Variants in GALNTL6 observed in about 807,000 individuals in gnomAD.
The protein encoded by GALNTL6 is polypeptide N-acetylgalactosaminyltransferase like 6.
GALNTL6 carries 46 observed loss-of-function variants against 73.7 expected under a neutral mutation model. The observed-to-expected ratio is 0.62, with a 90% CI of 0.49 to 0.80. The LOEUF (loss-of-function observed/expected upper bound fraction) is 0.80, where lower values mean the gene tolerates loss of function less well. Among genes scored for constraint, GALNTL6 ranks in the 30% least tolerant of loss-of-function variants. The pLI is 0.00. For synonymous variants in GALNTL6, 259 were observed against 263.7 expected (o/e 0.98, Z 0.17); for missense variants, 604 against 755.0 (o/e 0.80, Z 2.34).
chr4:171,918,407 C>T (rs1560840440), intron 2 of GALNTL6, among the ~76,000 whole-genome samples: 1 of 152,000 alleles, frequency 6.6e-6, no homozygotes, highest in Non-Finnish European at 1.5e-5. Flanking sequence ...AAATCCAACT[C>T]AAATTGTCTT....
chr4:172,983,040 T>C (rs2126437415), intron 10 of GALNTL6, among the ~76,000 whole-genome samples: 1 of 152,294 alleles, frequency 6.6e-6, no homozygotes, highest in Non-Finnish European at 1.5e-5. Context: ...TATAATGTAC[T>C]TCATCTGGGC....
intron 5 of GALNTL6, among the ~76,000 whole-genome samples, chr4:172,425,664 T>C (rs1265622367): frequency 6.6e-6 from 1 of 152,086 alleles, no homozygotes; most frequent in Non-Finnish European, 1.5e-5. Context: ...TGGAATATTA[T>C]AGAGAAATGA....
chr4:172,030,935 A>C (rs866650012), intron 2 of GALNTL6, among the ~76,000 whole-genome samples: 2 of 152,014 alleles, frequency 1.3e-5, no homozygotes, highest in Non-Finnish European at 2.9e-5. Context: ...TTGATGACAA[A>C]CAGAGGATCA....
intron 4 of GALNTL6, among the ~76,000 whole-genome samples, chr4:172,328,000 T>C (rs1194935854): frequency 6.6e-6 from 1 of 152,154 alleles, no homozygotes; most frequent in Non-Finnish European, 1.5e-5. Flanking sequence ...TAATGATGTG[T>C]GTGTTTTTTT....
chr4:171,834,785 GTC>G (rs1448165144), intron 2 of GALNTL6, among the ~76,000 whole-genome samples: 3 of 151,954 alleles, frequency 2.0e-5, no homozygotes, highest in Non-Finnish European at 4.4e-5. Flanking sequence ...AGAGGCGTAA[GTC>G]AGACATGCTT....
intron 2 of GALNTL6, among the ~76,000 whole-genome samples, chr4:171,974,533 T>C (rs1739662761): frequency 6.6e-6 from 1 of 152,222 alleles, no homozygotes; most frequent in Non-Finnish European, 1.5e-5. Context: ...ATAAATGAGA[T>C]ATATTCAAAG....
chr4:172,838,058 G>A (rs1399722035), intron 7 of GALNTL6, among the ~76,000 whole-genome samples: 1 of 151,820 alleles, frequency 6.6e-6, no homozygotes, highest in East Asian at 1.9e-4. Context: ...TTAATGTAGT[G>A]CATATTTGTC....
At chr4:172,539,119 T>C (rs956139084) in intron 5 of GALNTL6, among the ~76,000 whole-genome samples, 42 of 152,302 alleles carry the variant, frequency 2.8e-4, no homozygotes, top group African/African-American at 9.1e-4. Flanking sequence ...ATAAATGGCC[T>C]GGGAATCTCC....
chr4:172,645,919 G>A (rs748895251), intron 5 of GALNTL6, among the ~76,000 whole-genome samples: 9 of 151,934 alleles, frequency 5.9e-5, no homozygotes, highest in Non-Finnish European at 1.2e-4. Flanking sequence ...CAGAGATAAG[G>A]ATATTCCTTT....
At chr4:172,489,712 T>G (rs985131089) in intron 5 of GALNTL6, among the ~76,000 whole-genome samples, 1 of 152,216 alleles carries the variant, frequency 6.6e-6, no homozygotes, top group African/African-American at 2.4e-5. Context: ...AAGGCACACC[T>G]ACATACTCTA....
At chr4:172,695,700 C>G (rs1733641918) in intron 5 of GALNTL6, among the ~76,000 whole-genome samples, 1 of 152,176 alleles carries the variant, frequency 6.6e-6, no homozygotes, top group Non-Finnish European at 1.5e-5. Context: ...GTAATCCCAG[C>G]ACTTTGGGAG....
chr4:172,281,152 C>T (rs1043054553), intron 3 of GALNTL6, among the ~76,000 whole-genome samples: 2 of 152,024 alleles, frequency 1.3e-5, no homozygotes, highest in Non-Finnish European at 2.9e-5. Context: ...GTCTGGACCA[C>T]AGAGTGAGAC....
At chr4:172,436,566 A>G (rs1487373333) in intron 5 of GALNTL6, among the ~76,000 whole-genome samples, 1 of 152,126 alleles carries the variant, frequency 6.6e-6, no homozygotes, top group Non-Finnish European at 1.5e-5. Context: ...TTAATTGGAG[A>G]AAATTGTTGA....
At position 172,258,338 on chromosome 4, in the gene GALNTL6, C is replaced by T. The variant is rs143384672; in HGVS notation, c.247+28574C>T. On this transcript the variant is annotated intron_variant, in intron 3 of 12. Transcript: ENST00000506823. ...TTTTATAGGTTATTTGTTGTCTTTG[C>T]ATTCTGAAGTTGCACACAAACACGT... Among the ~76,000 whole-genome samples, 48 of 151,290 alleles carry T rather than the reference C, an allele frequency of 3.2e-4. No individual in the cohort carries two copies. The East Asian group carries it at 8.9e-3, about 28-fold the overall frequency.
Position 172,022,338 on chromosome 4 carries a change from C to T in GALNTL6, c.139-207318C>T, listed in dbSNP as rs541867979. ...TTAGTTTATGAACTAGAGCCTTCCTCCACACTGACTTTTTCAACATCTTGC... is the reference window on the plus strand; with the variant it reads ...TTAGTTTATGAACTAGAGCCTTCCTTCACACTGACTTTTTCAACATCTTGC... On this transcript the variant is annotated intron_variant, in intron 2 of 12. Transcript: ENST00000506823. 8.2e-4 allele frequency among the ~76,000 whole-genome samples: 125 copies of T among 152,174 alleles called. 1 individual carries two copies. Among genetic ancestry groups the T allele is most frequent in the South Asian group, 2.3e-3 (11 of 4,830 alleles).
intron 10 of GALNTL6, among the ~76,000 whole-genome samples, chr4:172,984,800 T>C (rs922066013): frequency 2.6e-5 from 4 of 152,122 alleles, no homozygotes; most frequent in African/African-American, 9.6e-5. Context: ...AATAAATTAA[T>C]AAAATTCTTT....
chr4:172,370,713 A>G (rs1605590), intron 5 of GALNTL6, among the ~76,000 whole-genome samples: 149,280 of 151,004 alleles, frequency 0.99, 73,812 homozygotes, highest in Middle Eastern at 1. Context: ...GTGGCATCTC[A>G]TACTATCCGT....
At chr4:171,968,177 C>T (rs911952339) in intron 2 of GALNTL6, among the ~76,000 whole-genome samples, 3 of 152,088 alleles carry the variant, frequency 2.0e-5, no homozygotes, top group Non-Finnish European at 4.4e-5. Flanking sequence ...ATGCCCCTTG[C>T]CAAAATACTT....
At chr4:172,276,290 T>A (rs1738830439) in intron 3 of GALNTL6, among the ~76,000 whole-genome samples, 1 of 152,164 alleles carries the variant, frequency 6.6e-6, no homozygotes, top group Admixed American at 6.5e-5. Flanking sequence ...TCTGTTACCA[T>A]GAGGTGACCA....
Sources: gnomAD v4.1 joint callset for allele counts (sites outside exome capture counted in the v4.1 genomes callset) on GRCh38, gnomAD v4.1.1 for gene constraint, MANE v1.5 for transcripts, NCBI Gene and HGNC (gene_info 2026-07-23, HGNC 2026-07-21) for gene names.